Variants in ARID4B observed in about 807,000 individuals in gnomAD.
The protein encoded by ARID4B is AT-rich interactive domain-containing protein 4B.
A neutral mutation model predicts 147.5 loss-of-function variants in ARID4B; 26 were observed. That is an observed-to-expected ratio of 0.18 (90% confidence interval 0.13 to 0.24). ARID4B has a LOEUF of 0.24. Among genes scored for constraint, ARID4B ranks in the 10% least tolerant of loss-of-function variants. The pLI is 1.00. For synonymous variants in ARID4B, 512 were observed against 507.9 expected (o/e 1.01, Z -0.11); for missense variants, 1,179 against 1,511.5 (o/e 0.78, Z 3.65).
rs142686615 is a variant in ARID4B at position 235,235,307 on chromosome 1, A to G, written c.586-815T>C. Among the ~76,000 whole-genome samples the G allele has an allele frequency of 2.6e-3, 398 of 152,318 alleles. 2 individuals are homozygous for G. The highest frequency in any genetic ancestry group is 0.024 in the Middle Eastern group (7 of 294). On this transcript the variant is annotated intron_variant, in intron 8 of 23. Coordinates refer to ENST00000264183, the MANE Select transcript of ARID4B (RefSeq NM_016374.6). ...AAAGACATCCAAATGAAGACAGTGA[A>G]CAGAAAAATCAGGTCTGGAGCAAAG...
At chr1:235,319,436 TGAAGA>T (rs1674667845) in intron 2 of ARID4B, among the ~76,000 whole-genome samples, 1 of 152,164 alleles carries the variant, frequency 6.6e-6, no homozygotes, top group Non-Finnish European at 1.5e-5. Flanking sequence ...ATGAGCCCAC[TGAAGA>T]TCAAGGCTGC....
At chr1:235,214,620 T>C (rs1486589633) in intron 16 of ARID4B, among the ~76,000 whole-genome samples, 3 of 152,098 alleles carry the variant, frequency 2.0e-5, no homozygotes, top group Admixed American at 6.6e-5. Flanking sequence ...ACTATTTTAA[T>C]TTAAACAGAA....
intron 5 of ARID4B, among the ~76,000 whole-genome samples, chr1:235,255,266 T>TAGATAGATAG (rs1558250685): frequency 2.3e-5 from 1 of 42,792 alleles, no homozygotes; most frequent in Non-Finnish European, 5.8e-5. Context: ...TAGATAGATA[T>TAGATAGATAG]ATATCTCTCT....
chr1:235,283,965 G>C (rs1052104944), intron 2 of ARID4B, among the ~76,000 whole-genome samples: 3 of 151,824 alleles, frequency 2.0e-5, no homozygotes, highest in Non-Finnish European at 2.9e-5. Context: ...TCAAACTCCC[G>C]GCCTCAAGTG....
Position 235,223,214 on chromosome 1 carries a change from A to G in ARID4B, c.1017T>C (p.Asn339=). 6.3e-7 allele frequency: 1 copy of G among 1,594,194 alleles called. No homozygotes were observed. The highest frequency in any genetic ancestry group is 1.8e-5 in the Admixed American group (1 of 56,578). ...KRPVLGYRNL[N]LFKLFRLVHK... is the part of the protein sequence containing the mutation. Reference sequence around the variant, plus strand: ...GTACAAGTCTGAATAACTTAAAGAGATTCAAATTTCGATATCCAAGTACAG... The same window carrying G: ...GTACAAGTCTGAATAACTTAAAGAGGTTCAAATTTCGATATCCAAGTACAG... Residue 339 remains asparagine (N), a synonymous_variant, in exon 13 of 24, where the codon AAT becomes AAC. Transcript: ENST00000264183.
intron 19 of ARID4B, among the ~76,000 whole-genome samples, chr1:235,185,477 G>A (rs867782793): frequency 6.6e-5 from 10 of 152,060 alleles, no homozygotes; most frequent in African/African-American, 2.4e-4. Context: ...CATCTGGGTG[G>A]TATCTCTCTG....
chr1:235,309,611 C>T (rs1201179451), intron 2 of ARID4B, among the ~76,000 whole-genome samples: 3 of 151,434 alleles, frequency 2.0e-5, no homozygotes, highest in Non-Finnish European at 4.4e-5. Context: ...CGCCTCTGCC[C>T]GGCCACCCCT....
chr1:235,196,619 C>G (rs903512053), intron 17 of ARID4B, among the ~76,000 whole-genome samples: 2 of 151,900 alleles, frequency 1.3e-5, no homozygotes, highest in Non-Finnish European at 2.9e-5. Flanking sequence ...TTTGGGAGAC[C>G]AAGGCGGGCA....
At chr1:235,205,041 A>T (rs1396339541) in intron 17 of ARID4B, among the ~76,000 whole-genome samples, 1 of 152,228 alleles carries the variant, frequency 6.6e-6, no homozygotes, top group East Asian at 1.9e-4. Context: ...GTCATTTTAT[A>T]GGCCTCTGAC....
intron 19 of ARID4B, among the ~76,000 whole-genome samples, chr1:235,192,880 C>T (rs1341613215): frequency 1.3e-5 from 2 of 151,864 alleles, no homozygotes; most frequent in East Asian, 1.9e-4. Context: ...CCAAGGTGGG[C>T]GGATCATAAG....
Position 235,181,777 on chromosome 1 carries a change from A to G in ARID4B, c.3142T>C (p.Ser1048Pro). Residue 1048 changes from serine to proline, a missense_variant, in exon 20 of 24, where the codon TCA becomes CCA. Transcript: ENST00000264183. ...GSRQQSSVTV[S>P]EPLAPNQEEV... ...TCTTGGTTTGGAGCCAGTGGTTCTG[A>G]TACTGTTACAGAAGACTGCTGCCGG... The G allele has an allele frequency of 6.2e-7, 1 of 1,614,140 alleles. No individual in the cohort carries two copies. The highest frequency in any genetic ancestry group is 1.3e-5 in the African/African-American group (1 of 75,040).
chr1:235,215,779 G>C (rs1667032951), intron 16 of ARID4B, among the ~76,000 whole-genome samples: 1 of 151,452 alleles, frequency 6.6e-6, no homozygotes, highest in Non-Finnish European at 1.5e-5. Context: ...GTAGAGACAG[G>C]GGTCTCACTA....
At chr1:235,258,959 T>G (rs1385182963) in intron 3 of ARID4B, among the ~76,000 whole-genome samples, 2 of 152,186 alleles carry the variant, frequency 1.3e-5, no homozygotes, top group Non-Finnish European at 2.9e-5. Context: ...TATATTAACT[T>G]TGAATCATAA....
intron 2 of ARID4B, among the ~76,000 whole-genome samples, chr1:235,308,480 C>A (rs183204895): frequency 1.3e-5 from 2 of 148,810 alleles, no homozygotes; most frequent in African/African-American, 5.0e-5. Context: ...CCTCTCCCCA[C>A]GGTCTCCCTC....
intron 8 of ARID4B, among the ~76,000 whole-genome samples, chr1:235,236,448 T>TA (rs1249629767): frequency 6.6e-6 from 1 of 151,768 alleles, no homozygotes; most frequent in African/African-American, 2.4e-5. Context: ...ACACTAATAT[T>TA]AAAAAATTTA....
intron 17 of ARID4B, among the ~76,000 whole-genome samples, chr1:235,197,952 A>C (rs1300770593): frequency 6.6e-6 from 1 of 152,170 alleles, no homozygotes; most frequent in African/African-American, 2.4e-5. Context: ...CTTCCTTCCA[A>C]AATCGGGGGC....
At chr1:235,203,566 G>A (rs981113451) in intron 17 of ARID4B, among the ~76,000 whole-genome samples, 2 of 152,034 alleles carry the variant, frequency 1.3e-5, no homozygotes, top group African/African-American at 4.8e-5. Flanking sequence ...TTAAGTAAAT[G>A]TTAAAATCAT....
intron 8 of ARID4B, among the ~76,000 whole-genome samples, chr1:235,236,165 A>C (rs1246958878): frequency 1.3e-5 from 2 of 152,176 alleles, no homozygotes; most frequent in East Asian, 3.9e-4. Context: ...AATTAGAAAC[A>C]CAAATACTAT....
At chr1:235,263,032 T>C (rs1483596489) in intron 2 of ARID4B, among the ~76,000 whole-genome samples, 4 of 152,226 alleles carry the variant, frequency 2.6e-5, no homozygotes, top group Admixed American at 2.6e-4. Flanking sequence ...GTTCAATTGG[T>C]ACTGGGTATT....
Sources: allele counts gnomAD v4.1 joint callset (sites outside exome capture counted in the v4.1 genomes callset), GRCh38; gene constraint gnomAD v4.1.1; transcripts MANE v1.5; gene names NCBI Gene and HGNC (gene_info 2026-07-23, HGNC 2026-07-21).